The following PTPRG variants were observed in gnomAD, a reference collection of about 807,000 sequenced individuals.
PTPRG encodes the protein protein tyrosine phosphatase receptor type G, also known as receptor-type tyrosine-protein phosphatase gamma.
PTPRG carries 102 observed loss-of-function variants against 165.3 expected under a neutral mutation model. The observed-to-expected ratio is 0.62, with a 90% CI of 0.53 to 0.73. The LOEUF is 0.73. Among genes scored for constraint, PTPRG ranks in the 30% least tolerant of loss-of-function variants. PTPRG has a pLI of 0.00. For synonymous variants in PTPRG, 675 were observed against 669.5 expected, an observed-to-expected ratio of 1.01 and a Z score of -0.13; for missense variants, 1,866 against 1,861.4, an observed-to-expected ratio of 1.00 and a Z score of -0.05.
At chr3:62,141,782 G>T (rs1446336251) in intron 6 of PTPRG, among the ~76,000 whole-genome samples, 1 of 151,250 alleles carries the variant, frequency 6.6e-6, no homozygotes, top group Non-Finnish European at 1.5e-5. Context: ...GGTGGTGCGT[G>T]CCTATAATCC....
chr3:61,786,167 G>A (rs1429109110), intron 2 of PTPRG, among the ~76,000 whole-genome samples: 1 of 152,178 alleles, frequency 6.6e-6, no homozygotes, highest in African/African-American at 2.4e-5. Context: ...TCTTTGGAGG[G>A]TAGAGTAGGT....
rs148141289 is a variant in PTPRG at position 61,850,287 on chromosome 3, C to T, written c.190+101305C>T. On this transcript the variant is annotated intron_variant, in intron 2 of 29. Transcript: ENST00000474889. ...AAGCGATTCTCCCTGCCTCAGCCTC[C>T]CGAGTAGCTGGGATTACAGGCACCC... Among the ~76,000 whole-genome samples, 438 of 152,230 alleles carry T rather than the reference C, an allele frequency of 2.9e-3. 2 individuals are homozygous for T. Among genetic ancestry groups the T allele is most frequent in the African/African-American group, 0.01 (428 of 41,540 alleles).
intron 1 of PTPRG, among the ~76,000 whole-genome samples, chr3:61,698,343 T>C (rs1275106022): frequency 6.6e-6 from 1 of 152,176 alleles, no homozygotes; most frequent in African/African-American, 2.4e-5. Flanking sequence ...GCTTTGCAGG[T>C]CATACCTTGT....
chr3:61,711,074 A>G (rs898773909), intron 1 of PTPRG, among the ~76,000 whole-genome samples: 3 of 152,124 alleles, frequency 2.0e-5, no homozygotes, highest in African/African-American at 7.2e-5. Context: ...TTCCAGCTTT[A>G]TCCATGTCCC....
intron 1 of PTPRG, among the ~76,000 whole-genome samples, chr3:61,566,835 T>C (rs1354377429): frequency 1.3e-5 from 2 of 152,212 alleles, no homozygotes; most frequent in African/African-American, 4.8e-5. Context: ...ACACGTTGTT[T>C]GTTCTTTTTA....
chr3:61,822,993 T>C (rs374249394), intron 2 of PTPRG, among the ~76,000 whole-genome samples: 1 of 152,190 alleles, frequency 6.6e-6, no homozygotes, highest in Non-Finnish European at 1.5e-5. Flanking sequence ...TTCTCCACTC[T>C]GACTGGGGGC....
At chr3:61,563,209 C>G (rs1478554202) in intron 1 of PTPRG, among the ~76,000 whole-genome samples, 1 of 152,144 alleles carries the variant, frequency 6.6e-6, no homozygotes, top group African/African-American at 2.4e-5. Flanking sequence ...GATTTTTTTC[C>G]TGTCTCGCGC....
At position 62,209,282 on chromosome 3, in the gene PTPRG, C is replaced by T. The variant is rs114772465; in HGVS notation, c.2155+5332C>T. Among the ~76,000 whole-genome samples the T allele has an allele frequency of 2.3e-3, 351 of 152,158 alleles. 3 individuals are homozygous for T. The highest frequency in any genetic ancestry group is 7.9e-3 in the African/African-American group (326 of 41,490). Reference sequence around the variant, plus strand: ...GGTAGAGGCCAGGCCTGTTGCTAAACGTCATATGGCGCACAGGACAGCTCC... The same window carrying T: ...GGTAGAGGCCAGGCCTGTTGCTAAATGTCATATGGCGCACAGGACAGCTCC... On this transcript the variant is annotated intron_variant, in intron 12 of 29. Coordinates refer to ENST00000474889, the MANE Select transcript of PTPRG (RefSeq NM_002841.4).
chr3:61,699,007 C>T (rs955051545), intron 1 of PTPRG, among the ~76,000 whole-genome samples: 7 of 151,932 alleles, frequency 4.6e-5, no homozygotes, highest in African/African-American at 1.7e-4. Context: ...ACATCACACA[C>T]CAGGGACTGC....
At chr3:61,967,431 C>T (rs564607896) in intron 2 of PTPRG, among the ~76,000 whole-genome samples, 4 of 152,296 alleles carry the variant, frequency 2.6e-5, no homozygotes, top group African/African-American at 9.6e-5. Context: ...AATCTCCATT[C>T]TACTTGTCAG....
intron 1 of PTPRG, among the ~76,000 whole-genome samples, chr3:61,623,590 T>C (rs899356221): frequency 2.0e-5 from 3 of 152,194 alleles, no homozygotes; most frequent in Admixed American, 6.5e-5. Context: ...TGGTTTTCTT[T>C]AGCTTTGCAA....
intron 7 of PTPRG, among the ~76,000 whole-genome samples, chr3:62,160,449 C>T (rs1704708669): frequency 6.6e-6 from 1 of 152,260 alleles, no homozygotes; most frequent in Admixed American, 6.5e-5. Flanking sequence ...TGTGGCCCCT[C>T]TAAACATCTT....
At chr3:61,610,554 T>C (rs1343479193) in intron 1 of PTPRG, among the ~76,000 whole-genome samples, 1 of 152,198 alleles carries the variant, frequency 6.6e-6, no homozygotes, top group Non-Finnish European at 1.5e-5. Context: ...TTTGCCTACA[T>C]AGATTTGGCT....
chr3:62,147,671 A>G (rs926204691), intron 6 of PTPRG, among the ~76,000 whole-genome samples: 12 of 152,174 alleles, frequency 7.9e-5, no homozygotes, highest in Non-Finnish European at 1.0e-4. Context: ...AAATATACCA[A>G]TAGCTACTGT....
At chr3:62,121,411 A>T (rs1703067227) in intron 5 of PTPRG, among the ~76,000 whole-genome samples, 1 of 152,154 alleles carries the variant, frequency 6.6e-6, no homozygotes, top group Admixed American at 6.5e-5. Flanking sequence ...ATATGAGGAA[A>T]TTGAGGCACA....
intron 4 of PTPRG, among the ~76,000 whole-genome samples, chr3:62,059,884 T>C (rs1700750982): frequency 6.6e-6 from 1 of 152,172 alleles, no homozygotes; most frequent in South Asian, 2.1e-4. Context: ...GCTGCTGCCA[T>C]GTGAAGAAGG....
At position 62,271,939 on chromosome 3, in the gene PTPRG, T is replaced by TA. The variant is rs992398901; in HGVS notation, c.3182+391dup. The stretch of plus-strand genomic sequence containing the variant: ...ACCCCATTTCTACAAAAATTAAAAA[T>TA]AAAAAAATTAGCCAGCATGGTGGCA... On this transcript the variant is annotated intron_variant, in intron 21 of 29. Coordinates refer to ENST00000474889, the MANE Select transcript of PTPRG (RefSeq NM_002841.4). This position sits in a 1 kb window ranked among gnomAD's most constrained non-coding sequence, Gnocchi z 4.1. 2.0e-5 allele frequency among the ~76,000 whole-genome samples: 3 copies of TA among 151,568 alleles called. No individual in the cohort carries two copies. Among genetic ancestry groups the TA allele is most frequent in the Non-Finnish European group, 2.9e-5 (2 of 67,868 alleles).
At position 61,616,796 on chromosome 3, in the gene PTPRG, G is replaced by A. The variant is rs577443658; in HGVS notation, c.85+54424G>A. On this transcript the variant is annotated intron_variant, in intron 1 of 29. Coordinates refer to ENST00000474889, the MANE Select transcript of PTPRG (RefSeq NM_002841.4). ...TTGTGTTAATACGCAACTTTATGTG[G>A]CAACCCTGAGGACTCTGCCCCACCC... Among the ~76,000 whole-genome samples the A allele has an allele frequency of 3.3e-5, 5 of 152,158 alleles. No homozygotes were observed. In the East Asian group the frequency reaches 7.7e-4, roughly 23 times the overall value.
In PTPRG at chr3:62,082,231, C is replaced by A. The variant is rs545504763; in HGVS notation, c.615+3973C>A. Among the ~76,000 whole-genome samples the A allele has an allele frequency of 3.9e-5, 6 of 152,134 alleles. No individual in the cohort carries two copies. In the South Asian group the frequency reaches 1.2e-3, roughly 32 times the overall value. On this transcript the variant is annotated intron_variant, in intron 5 of 29. Coordinates refer to ENST00000474889, the MANE Select transcript of PTPRG (RefSeq NM_002841.4). ...TTTCAATTTTTCACTATCCATGCTT[C>A]TTTTTTTGTTCTCAACATGTGCCCA...
Sources: gnomAD v4.1 joint callset for allele counts (sites outside exome capture counted in the v4.1 genomes callset) on GRCh38, gnomAD v4.1.1 for gene constraint, Gnocchi (gnomAD v3.1) non-coding constraint, MANE v1.5 for transcripts, NCBI Gene and HGNC (gene_info 2026-07-23, HGNC 2026-07-21) for gene names.